The following TM9SF2 variants were observed in gnomAD, a reference collection of about 807,000 sequenced individuals.
TM9SF2 encodes the protein transmembrane 9 superfamily member 2.
A neutral mutation model predicts 84.9 loss-of-function variants in TM9SF2; 13 were observed. The observed-to-expected ratio is 0.15, with a 90% CI of 0.10 to 0.24. TM9SF2 has a LOEUF of 0.24. TM9SF2 is among the 10% of genes least tolerant of loss of function. The pLI is 1.00. For synonymous variants in TM9SF2, 273 were observed against 285.8 expected (o/e 0.96, Z 0.45); for missense variants, 562 against 818.5 (o/e 0.69, Z 3.82).
At chr13:99,530,597 CCTGGGTCAGTCTT>C (rs1391114755) in intron 4 of TM9SF2, among the ~76,000 whole-genome samples, 1 of 152,172 alleles carries the variant, frequency 6.6e-6, no homozygotes, top group African/African-American at 2.4e-5. Context: ...GGGAAAAGGA[CCTGGGTCAGTCTT>C]CTAGTGAAAA....
intron 15 of TM9SF2, 115 bp downstream of exon 15, chr13:99,555,762 C>T (rs954862186): frequency 1.7e-6 from 1 of 601,438 alleles, no homozygotes; most frequent in South Asian, 3.1e-5. Flanking sequence ...TTATGATAGA[C>T]ATTGACCTGT....
chr13:99,556,607 G>A (rs1344315467), intron 15 of TM9SF2, among the ~76,000 whole-genome samples: 8 of 142,048 alleles, frequency 5.6e-5, no homozygotes, highest in East Asian at 4.3e-4. Flanking sequence ...TTCTTGAGAC[G>A]GAGTCTCGCT....
At chr13:99,533,771 G>T (rs995318414) in intron 4 of TM9SF2, among the ~76,000 whole-genome samples, 1 of 152,106 alleles carries the variant, frequency 6.6e-6, no homozygotes, top group Non-Finnish European at 1.5e-5. Context: ...TGATTCTCCT[G>T]CCTCTGCCTC....
chr13:99,531,444 C>T (rs866300034), intron 4 of TM9SF2, among the ~76,000 whole-genome samples: 1 of 152,114 alleles, frequency 6.6e-6, no homozygotes, highest in African/African-American at 2.4e-5. Flanking sequence ...CTGACCAGAT[C>T]CTGTGGCCTC....
intron 4 of TM9SF2, among the ~76,000 whole-genome samples, chr13:99,530,885 G>A: frequency 6.6e-6 from 1 of 150,642 alleles, no homozygotes. Flanking sequence ...TTCTGAGATG[G>A]AGTCTCTCAC....
At position 99,501,649 on chromosome 13, in the gene TM9SF2, C is replaced by T; in HGVS notation, c.43C>T (p.Arg15Trp). ...LPVLSPPRWP[R>W]LLLLSLLLLG... is the part of the protein sequence containing the mutation. ...GGTGTTGTCTCCACCTCGGTGGCCG[C>T]GGCTGTTGCTGCTGTCGCTGCTCCT... The change falls in exon 1 of 17, where the codon CGG (arginine) becomes TGG (tryptophan). Residue 15 changes from arginine to tryptophan, a missense_variant. Physicochemically the swap from Arg to Trp is moderately radical, Grantham distance 101. Transcript: ENST00000376387. The T allele has an allele frequency of 6.2e-6, 10 of 1,613,284 alleles. No homozygotes were observed. The highest frequency in any genetic ancestry group is 3.3e-4 in the Middle Eastern group (2 of 6,034).
At chr13:99,527,898 G>C (rs1280236266) in intron 3 of TM9SF2, among the ~76,000 whole-genome samples, 1 of 152,180 alleles carries the variant, frequency 6.6e-6, no homozygotes, top group East Asian at 1.9e-4. Flanking sequence ...GCTGAGGCAG[G>C]GTTACGCAGC....
chr13:99,522,498 T>A (rs1372704721), intron 3 of TM9SF2, among the ~76,000 whole-genome samples: 1 of 152,214 alleles, frequency 6.6e-6, no homozygotes, highest in African/African-American at 2.4e-5. Context: ...GCGAAACACC[T>A]CTTCCCTCTT....
At position 99,539,486 on chromosome 13, in the gene TM9SF2, C is replaced by G. The variant is rs150227799; in HGVS notation, c.757C>G (p.Pro253Ala). Residue 253 changes from proline to alanine, a missense_variant, in exon 7 of 17, where the codon CCC becomes GCC. Around this residue, in one of 4 missense-constraint regions of TM9SF2, gnomAD observed 267 missense variants for 316.7 expected, o/e 0.84. Transcript: ENST00000376387. Reference sequence around the variant, plus strand: ...TATAGATAAACCAGACTGCTCAGGGCCCCCCATGGACATAAGTAACAAGGC... The same window carrying G: ...TATAGATAAACCAGACTGCTCAGGGGCCCCCATGGACATAAGTAACAAGGC... ...THIDKPDCSG[P>A]PMDISNKASG... 6.2e-7 allele frequency: 1 copy of G among 1,613,388 alleles called. No individual in the cohort carries two copies. The highest frequency in any genetic ancestry group is 1.1e-5 in the South Asian group (1 of 91,058).
intron 10 of TM9SF2, among the ~76,000 whole-genome samples, chr13:99,546,179 C>T (rs1438860302): frequency 2.6e-5 from 4 of 152,090 alleles, no homozygotes; most frequent in African/African-American, 4.8e-5. Context: ...TGCTCACATA[C>T]GTGCTTGGTC....
At chr13:99,551,931 A>G (rs1034479790) in intron 12 of TM9SF2, among the ~76,000 whole-genome samples, 7 of 152,228 alleles carry the variant, frequency 4.6e-5, no homozygotes, top group Non-Finnish European at 8.8e-5. Flanking sequence ...TGTAATGAAA[A>G]CATGTAAGGA....
At chr13:99,520,176 T>C (rs1233351654) in intron 3 of TM9SF2, 47 bp downstream of exon 3, 9 of 1,521,066 alleles carry the variant, frequency 5.9e-6, no homozygotes, top group African/African-American at 1.4e-5. Context: ...CAGCTTTTGT[T>C]TTTGTTATTT....
intron 9 of TM9SF2, among the ~76,000 whole-genome samples, chr13:99,542,637 A>C (rs1318297981): frequency 6.6e-6 from 1 of 152,042 alleles, no homozygotes; most frequent in East Asian, 1.9e-4. Flanking sequence ...TGATTGGGGA[A>C]AATATATATG....
At chr13:99,535,093 A>C (rs2139092978) in intron 4 of TM9SF2, among the ~76,000 whole-genome samples, 1 of 152,340 alleles carries the variant, frequency 6.6e-6, no homozygotes, top group East Asian at 1.9e-4. Context: ...TTGAGGCTGC[A>C]GAAAGCCATG....
At chr13:99,534,290 C>G (rs568138683) in intron 4 of TM9SF2, among the ~76,000 whole-genome samples, 6 of 152,236 alleles carry the variant, frequency 3.9e-5, no homozygotes, top group Admixed American at 3.9e-4. Context: ...TTAGTGAGTT[C>G]CAATCCCAGA....
rs911967787 is a variant in TM9SF2 at position 99,562,982 on chromosome 13, T to G, written c.*224T>G. The G allele has an allele frequency of 9.7e-6, 4 of 412,878 alleles. No individual in the cohort carries two copies. Among genetic ancestry groups the G allele is most frequent in the Admixed American group, 4.1e-5 (1 of 24,206 alleles). The allele number at this position is 412,878 out of a possible 1,614,324, so 25.6% of individuals were successfully genotyped here. On this transcript the variant is annotated 3_prime_UTR_variant, in exon 17 of 17. Transcript: ENST00000376387. Reference sequence around the variant, plus strand: ...TGATTTGATTAAGTATATATTTGGTTGTTCTCAATGAAGAGCAAATTTAAA... The same window carrying G: ...TGATTTGATTAAGTATATATTTGGTGGTTCTCAATGAAGAGCAAATTTAAA...
chr13:99,520,996 T>A (rs1329234046), intron 3 of TM9SF2, among the ~76,000 whole-genome samples: 1 of 152,236 alleles, frequency 6.6e-6, no homozygotes, highest in Non-Finnish European at 1.5e-5. Context: ...CAGAATTCTT[T>A]TGCCTTTAAA....
chr13:99,546,166 G>A (rs1442199645), intron 10 of TM9SF2, among the ~76,000 whole-genome samples: 1 of 152,118 alleles, frequency 6.6e-6, no homozygotes, highest in African/African-American at 2.4e-5. Flanking sequence ...GTGTGCGCGT[G>A]CTTGCTCACA....
intron 7 of TM9SF2, chr13:99,540,495 CTTTTTTT>C (rs201378003): frequency 1.8e-4 from 25 of 141,276 alleles, no homozygotes; most frequent in Admixed American, 5.0e-4. Flanking sequence ...ACTAGGAATT[CTTTTTTT>C]TTTTTTTTTT....
Sources: allele counts gnomAD v4.1 joint callset (sites outside exome capture counted in the v4.1 genomes callset), GRCh38; gene constraint gnomAD v4.1.1; regional missense constraint gnomAD v4.1.1; transcripts MANE v1.5; gene names NCBI Gene and HGNC (gene_info 2026-07-23, HGNC 2026-07-21).